Variants in RBFOX1 observed in about 807,000 individuals in gnomAD.
The protein encoded by RBFOX1 is RNA binding protein fox-1 homolog 1.
Under a neutral mutation model 57.7 loss-of-function variants are expected in RBFOX1, and 8 were observed. That is an observed-to-expected ratio of 0.14 (90% CI 0.08 to 0.25). The LOEUF is 0.25. RBFOX1 is among the 10% of genes least tolerant of loss of function. The pLI is 1.00. For missense variants in RBFOX1, 611 were observed against 548.5 expected (o/e 1.11, Z -1.14); for synonymous variants, 326 against 222.4 (o/e 1.47, Z -4.15).
intron 3 of RBFOX1, among the ~76,000 whole-genome samples, chr16:5,686,854 T>C (rs978060094): frequency 1.3e-5 from 2 of 152,204 alleles, no homozygotes; most frequent in Non-Finnish European, 2.9e-5. Flanking sequence ...GACTTTCATC[T>C]GGGGCTGAGA....
intron 4 of RBFOX1, among the ~76,000 whole-genome samples, chr16:7,197,885 A>G (rs1389998075): frequency 6.6e-6 from 1 of 152,170 alleles, no homozygotes. Context: ...GACAGAAAAC[A>G]GAATGGGGGT....
At chr16:5,691,070 C>G (rs926268692) in intron 3 of RBFOX1, among the ~76,000 whole-genome samples, 1 of 152,200 alleles carries the variant, frequency 6.6e-6, no homozygotes, top group African/African-American at 2.4e-5. Context: ...AGCTTATTCA[C>G]CCTGACTGTG....
chr16:7,038,664 C>G (rs531977900), intron 3 of RBFOX1, among the ~76,000 whole-genome samples: 1 of 152,164 alleles, frequency 6.6e-6, no homozygotes, highest in Non-Finnish European at 1.5e-5. Context: ...AAGTGAACAA[C>G]TCCACGAGAC....
intron 4 of RBFOX1, among the ~76,000 whole-genome samples, chr16:7,388,845 A>T (rs2097934279): frequency 6.6e-6 from 1 of 152,042 alleles, no homozygotes; most frequent in South Asian, 2.1e-4. Flanking sequence ...CAAAGCTATG[A>T]TGTTCAGTAG....
intron 2 of RBFOX1, among the ~76,000 whole-genome samples, chr16:6,377,492 T>C (rs150843819): frequency 6.6e-5 from 10 of 152,248 alleles, no homozygotes; most frequent in African/African-American, 2.4e-4. Context: ...GAATGAATGA[T>C]AATGCTCTGG....
chr16:7,627,248 T>G (rs529977895), intron 10 of RBFOX1, among the ~76,000 whole-genome samples: 1 of 149,920 alleles, frequency 6.7e-6, no homozygotes, highest in South Asian at 2.1e-4. Flanking sequence ...AGGAACAGCA[T>G]GAAGGTTTCA....
At chr16:6,483,942 G>T (rs1161489238) in intron 2 of RBFOX1, 5 of 1,059,160 alleles carry the variant, frequency 4.7e-6, no homozygotes, top group African/African-American at 3.3e-5. Context: ...CAGCTCCGGG[G>T]ACCTCGGAGA....
chr16:7,266,854 C>G (rs1005482643), intron 4 of RBFOX1, among the ~76,000 whole-genome samples: 1 of 151,992 alleles, frequency 6.6e-6, no homozygotes, highest in Non-Finnish European at 1.5e-5. Context: ...TCAGGGAAGG[C>G]CTGTTTGAGC....
intron 2 of RBFOX1, among the ~76,000 whole-genome samples, chr16:6,604,277 G>GA (rs1007730376): frequency 1.1e-4 from 16 of 151,766 alleles, no homozygotes; most frequent in Non-Finnish European, 1.3e-4. Flanking sequence ...GGCTATTTTA[G>GA]AAAAAAACCT....
exon 3 of RBFOX1, chr16:5,599,447 G>C (rs531839794): frequency 1.1e-5 from 6 of 549,498 alleles, no homozygotes; most frequent in African/African-American, 5.6e-5. Flanking sequence ...GTGAATTCCC[G>C]TGTATCCCTC....
At chr16:6,865,843 T>C (rs2059819795) in intron 3 of RBFOX1, among the ~76,000 whole-genome samples, 1 of 152,212 alleles carries the variant, frequency 6.6e-6, no homozygotes, top group Admixed American at 6.5e-5. Context: ...AACTTCTCTC[T>C]TTTTTGCGTG....
intron 1 of RBFOX1, among the ~76,000 whole-genome samples, chr16:6,200,151 C>T (rs1567665286): frequency 1.3e-5 from 2 of 152,108 alleles, no homozygotes; most frequent in Non-Finnish European, 2.9e-5. Flanking sequence ...CACCTTGATT[C>T]TGAAAGACAG....
chr16:5,389,472 A>C (rs1186972038), intron 1 of RBFOX1, among the ~76,000 whole-genome samples: 4 of 152,076 alleles, frequency 2.6e-5, no homozygotes, highest in Non-Finnish European at 4.4e-5. Context: ...GAAACCCCAA[A>C]TGTCTCCAGA....
chr16:6,796,112 C>G (rs11644330), intron 3 of RBFOX1, among the ~76,000 whole-genome samples: 24,917 of 150,684 alleles, frequency 0.17, 2,342 homozygotes, highest in Non-Finnish European at 0.21. Flanking sequence ...GGGGAGGCCT[C>G]ACAGTCATGG....
At chr16:6,956,310 C>T (rs1028691509) in intron 3 of RBFOX1, among the ~76,000 whole-genome samples, 9 of 152,156 alleles carry the variant, frequency 5.9e-5, no homozygotes, top group African/African-American at 2.2e-4. Flanking sequence ...AAGGAATCCC[C>T]ATTCGTCATC....
intron 6 of RBFOX1, 132 bp from the exon 7 acceptor site, chr16:7,587,115 C>T: frequency 8.8e-7 from 1 of 1,138,740 alleles, no homozygotes; most frequent in South Asian, 4.0e-5. Context: ...AGCACATTAA[C>T]CATAAAACAT....
At chr16:6,832,059 C>T (rs527692840) in intron 3 of RBFOX1, among the ~76,000 whole-genome samples, 4 of 152,266 alleles carry the variant, frequency 2.6e-5, no homozygotes, top group South Asian at 4.1e-4. Flanking sequence ...AATATAATTG[C>T]ATATTAATCA....
intron 4 of RBFOX1, among the ~76,000 whole-genome samples, chr16:7,418,774 G>GTGTCTATCTCTA (rs2098509534): frequency 6.6e-6 from 1 of 151,544 alleles, no homozygotes; most frequent in Non-Finnish European, 1.5e-5. Context: ...CTGTGTCTGT[G>GTGTCTATCTCTA]TCTCTATCTC....
chr16:5,555,452 TC>T (rs2045632478), intron 2 of RBFOX1, among the ~76,000 whole-genome samples: 1 of 151,844 alleles, frequency 6.6e-6, no homozygotes, highest in South Asian at 2.1e-4. Context: ...GGTTTCGCCA[TC>T]TTGACCAGGC....
Sources: gnomAD v4.1 joint callset for allele counts (sites outside exome capture counted in the v4.1 genomes callset) on GRCh38, gnomAD v4.1.1 for gene constraint, MANE v1.5 for transcripts, NCBI Gene and HGNC (gene_info 2026-07-23, HGNC 2026-07-21) for gene names.